The following MTUS2 variants were observed in gnomAD, a reference collection of about 807,000 sequenced individuals.
The protein encoded by MTUS2 is microtubule-associated tumor suppressor candidate 2.
A neutral mutation model predicts 114.1 loss-of-function variants in MTUS2; 40 were observed. The ratio of observed to expected loss-of-function variants is 0.35; its 90% confidence interval spans 0.27 to 0.46. The LOEUF is 0.46. Among genes scored for constraint, MTUS2 ranks in the 20% least tolerant of loss-of-function variants. MTUS2 has a pLI of 1.00. For missense variants in MTUS2, 1,679 were observed against 1,705.4 expected (o/e 0.98, Z 0.27); for synonymous variants, 688 against 672.0 (o/e 1.02, Z -0.37).
At chr13:29,478,796 A>G (rs180697877) in intron 9 of MTUS2, among the ~76,000 whole-genome samples, 15 of 152,220 alleles carry the variant, frequency 9.9e-5, no homozygotes, top group African/African-American at 3.4e-4. Context: ...CACTGGCCCA[A>G]TGGAAGCCCT....
intron 5 of MTUS2, among the ~76,000 whole-genome samples, chr13:29,167,878 A>G (rs1289463885): frequency 6.6e-6 from 1 of 152,226 alleles, no homozygotes; most frequent in Non-Finnish European, 1.5e-5. Flanking sequence ...ATACGCAGAT[A>G]TTGTATGTAT....
chr13:28,897,862 G>A (rs1394536510), intron 2 of MTUS2, among the ~76,000 whole-genome samples: 1 of 146,836 alleles, frequency 6.8e-6, no homozygotes, highest in Non-Finnish European at 1.5e-5. Context: ...TGAGAACATG[G>A]ACACAAGAAG....
At chr13:28,962,863 T>C (rs1883391835) in intron 2 of MTUS2, among the ~76,000 whole-genome samples, 1 of 152,090 alleles carries the variant, frequency 6.6e-6, no homozygotes, top group Non-Finnish European at 1.5e-5. Flanking sequence ...CCCTGATCAG[T>C]GTCACTTTTG....
chr13:29,146,514 C>CTAG (rs1892439880), intron 5 of MTUS2, among the ~76,000 whole-genome samples: 3 of 152,178 alleles, frequency 2.0e-5, no homozygotes, highest in Admixed American at 1.3e-4. Context: ...TACTAGGCAT[C>CTAG]CAATTTCAGC....
At chr13:29,325,548 AG>A (rs1186410335) in intron 7 of MTUS2, among the ~76,000 whole-genome samples, 1 of 72,444 alleles carries the variant, frequency 1.4e-5, no homozygotes. Flanking sequence ...GAAAAGAAGA[AG>A]GAAGAAGAGG....
At chr13:29,492,144 G>T (rs1882196953) in intron 11 of MTUS2, among the ~76,000 whole-genome samples, 1 of 23,388 alleles carries the variant, frequency 4.3e-5, no homozygotes, top group South Asian at 8.3e-3. Context: ...TGTGTGGTAG[G>T]TGTGTATGTG....
intron 2 of MTUS2, among the ~76,000 whole-genome samples, chr13:28,862,824 T>C (rs934195571): frequency 2.0e-5 from 3 of 152,162 alleles, no homozygotes; most frequent in African/African-American, 7.2e-5. Context: ...ATAAAAATTT[T>C]ATATACAAAA....
At chr13:29,211,131 G>C (rs1806180565) in intron 5 of MTUS2, among the ~76,000 whole-genome samples, 2 of 152,176 alleles carry the variant, frequency 1.3e-5, no homozygotes, top group Non-Finnish European at 1.5e-5. Flanking sequence ...ACTGTCCTCG[G>C]TGGGTGGGCT....
At chr13:29,491,859 A>T (rs1169702988) in intron 11 of MTUS2, among the ~76,000 whole-genome samples, 2 of 116,608 alleles carry the variant, frequency 1.7e-5, no homozygotes, top group African/African-American at 6.7e-5. Context: ...GGCATGTGCC[A>T]TGTATGTGAT....
intron 2 of MTUS2, among the ~76,000 whole-genome samples, chr13:29,017,673 G>C (rs192585865): frequency 6.6e-6 from 1 of 151,374 alleles, no homozygotes; most frequent in Admixed American, 6.6e-5. Context: ...GTTGGGAAGG[G>C]TGGCTTTACA....
At chr13:29,031,237 G>GGGGTGTGTGTGTGTGTGTGTGTGT (rs144071821) in intron 3 of MTUS2, among the ~76,000 whole-genome samples, 7 of 122,964 alleles carry the variant, frequency 5.7e-5, no homozygotes, top group Non-Finnish European at 1.2e-4. Flanking sequence ...AGAACTAATA[G>GGGGTGTGTGTGTGTGTGTGTGTGT]GTGTGTGTGT....
chr13:28,864,410 G>T (rs1877175564), intron 2 of MTUS2, among the ~76,000 whole-genome samples: 2 of 152,128 alleles, frequency 1.3e-5, no homozygotes, highest in Admixed American at 6.6e-5. Flanking sequence ...AATGTGTTGT[G>T]GCAAGAGACT....
At chr13:28,820,253 G>C (rs901351515), upstream of MTUS2, 19 of 147,202 alleles carry the variant, frequency 1.3e-4, no homozygotes, top group African/African-American at 4.4e-4. Flanking sequence ...GCCCTCGAGC[G>C]GGGGCGGCGG....
chr13:29,112,844 G>A (rs1353755781), intron 5 of MTUS2, among the ~76,000 whole-genome samples: 3 of 152,136 alleles, frequency 2.0e-5, no homozygotes, highest in South Asian at 2.1e-4. Flanking sequence ...ATATCAGGTC[G>A]CCTCATTTGT....
intron 2 of MTUS2, among the ~76,000 whole-genome samples, chr13:28,913,659 T>A (rs1443852329): frequency 6.6e-6 from 1 of 152,172 alleles, no homozygotes; most frequent in Admixed American, 6.5e-5. Flanking sequence ...TCCTTCCTTT[T>A]CAATTGTTGG....
intron 5 of MTUS2, among the ~76,000 whole-genome samples, chr13:29,168,470 G>A (rs989413557): frequency 7.9e-5 from 12 of 152,166 alleles, no homozygotes; most frequent in Non-Finnish European, 1.3e-4. Context: ...ACAAGGAAGA[G>A]AACTGCCATT....
chr13:29,121,228 C>G (rs532753228), intron 5 of MTUS2, among the ~76,000 whole-genome samples: 42 of 152,260 alleles, frequency 2.8e-4, no homozygotes, highest in Non-Finnish European at 5.3e-4. Flanking sequence ...CTGAAAATGT[C>G]TTTGATTGCT....
At chr13:28,885,865 G>C (rs1878561659) in intron 2 of MTUS2, among the ~76,000 whole-genome samples, 2 of 152,220 alleles carry the variant, frequency 1.3e-5, no homozygotes. Context: ...TTAAGATAGT[G>C]ATAAGGTCTA....
intron 5 of MTUS2, among the ~76,000 whole-genome samples, chr13:29,149,125 G>T (rs1892564792): frequency 6.6e-6 from 1 of 152,096 alleles, no homozygotes; most frequent in Admixed American, 6.6e-5. Flanking sequence ...AATGTCAGTT[G>T]AACTAATTTA....
Sources: allele counts gnomAD v4.1 joint callset (sites outside exome capture counted in the v4.1 genomes callset), GRCh38; gene constraint gnomAD v4.1.1; transcripts MANE v1.5; gene names NCBI Gene and HGNC (gene_info 2026-07-23, HGNC 2026-07-21).